GAN: variants seen among roughly 807,000 people sequenced by gnomAD.
The protein encoded by GAN is gigaxonin, also known as epididymis secretory sperm binding protein.
In GAN, 48 loss-of-function variants were observed where a neutral mutation model predicts 71.3. That is an observed-to-expected ratio of 0.67 (90% confidence interval 0.53 to 0.86). The LOEUF is 0.86. Ranked by LOEUF, GAN falls within the 40% of genes least tolerant of loss-of-function variation. The probability of loss-of-function intolerance (pLI) is 0.00; values close to 1 mark genes in which losing one functional copy is unlikely to be tolerated. For missense variants in GAN, 928 were observed against 770.1 expected, an observed-to-expected ratio of 1.21 and a Z score of -2.43; for synonymous variants, 386 against 276.8, an observed-to-expected ratio of 1.39 and a Z score of -3.92.
At position 81,377,203 on chromosome 16, in the gene GAN, T is replaced by C. The variant is rs771082202; in HGVS notation, c.1503-16T>C. 22 of 1,442,358 alleles carry C rather than the reference T, an allele frequency of 1.5e-5. No homozygotes were observed. The Admixed American group carries it at 3.0e-4, about 20-fold the overall frequency. 89.3% of individuals were successfully genotyped at this position (1,442,358 alleles called of 1,614,324 possible). A position where few individuals can be genotyped will look rare whatever the true frequency, so the allele number is the denominator to read the frequency against. On this transcript the variant is annotated splice_polypyrimidine_tract_variant and intron_variant, in intron 9 of 10. Transcript: ENST00000648994. The stretch of plus-strand genomic sequence containing the variant: ...CTTTTGATTTCCTTAATTTTGTGCA[T>C]GGGCTTTGTTTTCAGGTGGATCTAT...
chr16:81,361,506 C>T (rs906921828), intron 5 of GAN, among the ~76,000 whole-genome samples: 12 of 152,162 alleles, frequency 7.9e-5, no homozygotes, highest in African/African-American at 2.9e-4. Context: ...TGCCAGAAGC[C>T]ACGTTTTCTG....
rs970522188 is a variant in GAN at position 81,390,667 on chromosome 16, A to T, written c.*13071A>T. 6.6e-6 allele frequency: 1 copy of T among 152,240 alleles called. No individual in the cohort carries two copies. Among genetic ancestry groups the T allele is most frequent in the Non-Finnish European group, 1.5e-5 (1 of 68,048 alleles). The allele number at this position is 152,240 out of a possible 1,614,324, so 9.4% of individuals were successfully genotyped here. A position where few individuals can be genotyped will look rare whatever the true frequency, so the allele number is the denominator to read the frequency against. ...ACAGAGTGTTGTATTTTGATCTGAAATTTGTGTATGCTAAAGTAATTTTGT... is the reference window on the plus strand; with the variant it reads ...ACAGAGTGTTGTATTTTGATCTGAATTTTGTGTATGCTAAAGTAATTTTGT... On this transcript the variant is annotated 3_prime_UTR_variant, in exon 11 of 11. Coordinates refer to ENST00000648994, the MANE Select transcript of GAN (RefSeq NM_022041.4).
chr16:81,361,174 G>A (rs1334478479), intron 5 of GAN, among the ~76,000 whole-genome samples: 1 of 152,144 alleles, frequency 6.6e-6, no homozygotes, highest in South Asian at 2.1e-4. Context: ...GCAGTGATCT[G>A]TGATTGCACC....
At chr16:81,322,454 A>G (rs915113094) in intron 1 of GAN, among the ~76,000 whole-genome samples, 1 of 152,278 alleles carries the variant, frequency 6.6e-6, no homozygotes, top group Non-Finnish European at 1.5e-5. Flanking sequence ...AATGCGTATC[A>G]TAAATGGAAG....
At chr16:81,371,342 G>C (rs1251421969) in intron 9 of GAN, among the ~76,000 whole-genome samples, 3 of 152,156 alleles carry the variant, frequency 2.0e-5, no homozygotes, top group East Asian at 1.9e-4. Context: ...TGAGAAATGG[G>C]TTCTAATTTT....
intron 1 of GAN, among the ~76,000 whole-genome samples, chr16:81,340,714 G>A (rs1567485568): frequency 6.7e-6 from 1 of 149,222 alleles, no homozygotes; most frequent in African/African-American, 2.5e-5. Context: ...TTCTTTGGAG[G>A]AGAAGAGAAT....
At chr16:81,342,391 C>T (rs1427680010) in intron 1 of GAN, among the ~76,000 whole-genome samples, 1 of 152,174 alleles carries the variant, frequency 6.6e-6, no homozygotes, top group East Asian at 1.9e-4. Context: ...AAGTAAAGCA[C>T]TCCTAGGCAA....
chr16:81,361,974 G>T (rs72835115), intron 5 of GAN, among the ~76,000 whole-genome samples: 1 of 152,116 alleles, frequency 6.6e-6, no homozygotes, highest in African/African-American at 2.4e-5. Context: ...CCACCACCCG[G>T]CTAAGATTAT....
At chr16:81,362,394 G>T in intron 5 of GAN, 105 bp from the exon 6 acceptor site, 1 of 733,846 alleles carries the variant, frequency 1.4e-6, no homozygotes, top group Non-Finnish European at 2.5e-6. Context: ...AGAGAACATT[G>T]TTGTCATCAG....
chr16:81,322,052 T>A (rs1161447499), intron 1 of GAN, among the ~76,000 whole-genome samples: 3 of 152,202 alleles, frequency 2.0e-5, no homozygotes. Flanking sequence ...TAAATCATCT[T>A]CCTAAGTACT....
In GAN at chr16:81,354,766, T is replaced by G; in HGVS notation, c.633+11T>G. ...ACAGAAATAAGAAAGGTACCTGTCA[T>G]TTATAACATGGTCAAATTTGCCTTT... On this transcript the variant is annotated intron_variant, in intron 3 of 10. Coordinates refer to ENST00000648994, the MANE Select transcript of GAN (RefSeq NM_022041.4). 2 of 1,444,686 alleles carry G rather than the reference T, an allele frequency of 1.4e-6. No homozygotes were observed. Among genetic ancestry groups the G allele is most frequent in the Non-Finnish European group, 1.9e-6 (2 of 1,026,420 alleles). The allele number at this position is 1,444,686 out of a possible 1,614,324, so 89.5% of individuals were successfully genotyped here.
At chr16:81,377,358 C>G in intron 10 of GAN, 30 bp downstream of exon 10, 1 of 1,590,914 alleles carries the variant, frequency 6.3e-7, no homozygotes, top group South Asian at 1.1e-5. Flanking sequence ...TTTCTTGGAA[C>G]TGTTTCCTGG....
chr16:81,355,733 ATATAT>A (rs547892569), intron 3 of GAN, among the ~76,000 whole-genome samples: 7 of 152,336 alleles, frequency 4.6e-5, no homozygotes, highest in Admixed American at 2.6e-4. Flanking sequence ...AAAATAAGAA[ATATAT>A]TAGGTGTTAG....
intron 1 of GAN, among the ~76,000 whole-genome samples, chr16:81,349,183 C>T (rs1311430017): frequency 6.6e-6 from 1 of 152,154 alleles, no homozygotes; most frequent in East Asian, 1.9e-4. Flanking sequence ...TTATCTTTCA[C>T]CCCCTGCCCC....
chr16:81,354,284 A>T, intron 2 of GAN, 121 bp from the exon 3 acceptor site: 1 of 724,708 alleles, frequency 1.4e-6, no homozygotes, highest in Admixed American at 2.3e-5. Context: ...TGAAATTGCC[A>T]ATATTCGATT....
intron 7 of GAN, 107 bp downstream of exon 7, chr16:81,364,050 G>C (rs1338588999): frequency 1.1e-6 from 1 of 919,788 alleles, no homozygotes; most frequent in Non-Finnish European, 1.8e-6. Context: ...GGTGTTAAAA[G>C]AATTAACTTT....
chr16:81,324,425 G>C (rs1909314598), intron 1 of GAN, among the ~76,000 whole-genome samples: 1 of 152,156 alleles, frequency 6.6e-6, no homozygotes, highest in Non-Finnish European at 1.5e-5. Flanking sequence ...GAGATCTGAG[G>C]GAGGAGGAGA....
intron 3 of GAN, among the ~76,000 whole-genome samples, chr16:81,356,524 AG>A (rs1334047093): frequency 6.6e-6 from 1 of 152,192 alleles, no homozygotes; most frequent in African/African-American, 2.4e-5. Flanking sequence ...TAAGGTGTAA[AG>A]GAAGCTGCTT....
chr16:81,343,565 C>T (rs189981389), intron 1 of GAN, among the ~76,000 whole-genome samples: 30 of 152,280 alleles, frequency 2.0e-4, no homozygotes, highest in Non-Finnish European at 5.9e-5. Context: ...CAAAATTTGG[C>T]AGCCTTTCAT....
Sources: gnomAD v4.1 joint callset for allele counts (sites outside exome capture counted in the v4.1 genomes callset) on GRCh38, gnomAD v4.1.1 for gene constraint, MANE v1.5 for transcripts, NCBI Gene and HGNC (gene_info 2026-07-23, HGNC 2026-07-21) for gene names.